Variants in SAMD3 observed in about 807,000 individuals in gnomAD.
SAMD3 encodes the protein sterile alpha motif domain containing 3.
In SAMD3, 63 loss-of-function variants were observed where a neutral mutation model predicts 58.5. That is an observed-to-expected ratio of 1.08 (90% confidence interval 0.88 to 1.33). The LOEUF is 1.33. Among genes scored for constraint, SAMD3 ranks in the 40% most tolerant of loss-of-function variants. The pLI is 0.00. For missense variants in SAMD3, 604 were observed against 608.4 expected (o/e 0.99, Z 0.08); for synonymous variants, 220 against 210.3 (o/e 1.05, Z -0.40).
chr6:130,342,933 G>A (rs918119182), intron 1 of SAMD3, among the ~76,000 whole-genome samples: 11 of 152,118 alleles, frequency 7.2e-5, no homozygotes, highest in Non-Finnish European at 1.6e-4. Context: ...CCATGGTGGG[G>A]CCTTGATTCA....
At chr6:130,195,068 T>G (rs1330410313) in intron 5 of SAMD3, among the ~76,000 whole-genome samples, 1 of 152,170 alleles carries the variant, frequency 6.6e-6, no homozygotes, top group Non-Finnish European at 1.5e-5. Flanking sequence ...CACCCCTTTT[T>G]AATTATCCCC....
chr6:130,305,429 C>G (rs1775883413), intron 2 of SAMD3, among the ~76,000 whole-genome samples: 1 of 151,846 alleles, frequency 6.6e-6, no homozygotes, highest in African/African-American at 2.4e-5. Flanking sequence ...ATCTTACTAC[C>G]CTGTCTATAA....
At position 130,334,053 on chromosome 6, in the gene SAMD3, G is replaced by A. The variant is rs545874871; in HGVS notation, c.-303-20960C>T. ...TCCTCCTCCCTCTGTTGACCTCAAA[G>A]GCACTGCTTTCTCCTTCCTCATCCC... On this transcript the variant is annotated intron_variant, in intron 1 of 13. Transcript: ENST00000368134. Among the ~76,000 whole-genome samples, 3 of 152,234 alleles carry A rather than the reference G, an allele frequency of 2.0e-5. No individual in the cohort carries two copies. In the East Asian group the frequency reaches 5.8e-4, roughly 29 times the overall value.
chr6:130,291,972 A>T (rs1210541768), intron 2 of SAMD3, among the ~76,000 whole-genome samples: 4 of 152,218 alleles, frequency 2.6e-5, no homozygotes, highest in Admixed American at 1.3e-4. Flanking sequence ...ATTAAAAAGG[A>T]ATTAAAAATT....
At position 130,274,616 on chromosome 6, in the gene SAMD3, G is replaced by A. The variant is rs542790196; in HGVS notation, c.-188+38362C>T. ...TGTTGAGCTCTGCTGGCTTGGAGGA[G>A]GGGCTGACACAGGTAAAGTGAAACT... On this transcript the variant is annotated intron_variant, in intron 2 of 13. Transcript: ENST00000368134. Among the ~76,000 whole-genome samples, 6 of 149,178 alleles carry A rather than the reference G, an allele frequency of 4.0e-5. No individual in the cohort carries two copies. The South Asian group carries it at 1.3e-3, about 33-fold the overall frequency.
chr6:130,336,198 C>A, intron 1 of SAMD3, among the ~76,000 whole-genome samples: 1 of 151,940 alleles, frequency 6.6e-6, no homozygotes, highest in Non-Finnish European at 1.5e-5. Context: ...TTTAGTAATA[C>A]AATGTATTAA....
chr6:130,363,121 T>C (rs1200762924), intron 1 of SAMD3, among the ~76,000 whole-genome samples: 1 of 152,190 alleles, frequency 6.6e-6, no homozygotes, highest in East Asian at 1.9e-4. Flanking sequence ...AGACTATCAA[T>C]CTATTTCACA....
At chr6:130,308,360 A>ATTCT (rs1775985845) in intron 2 of SAMD3, among the ~76,000 whole-genome samples, 6 of 27,396 alleles carry the variant, frequency 2.2e-4, no homozygotes, top group African/African-American at 5.6e-4. Flanking sequence ...ATTCTATTCT[A>ATTCT]TTCTATTCTA....
intron 2 of SAMD3, among the ~76,000 whole-genome samples, chr6:130,305,606 C>A (rs1775888399): frequency 6.6e-6 from 1 of 152,046 alleles, no homozygotes; most frequent in Non-Finnish European, 1.5e-5. Flanking sequence ...GAATTTTAGT[C>A]ATGAATGGAT....
downstream of SAMD3, chr6:130,144,240 C>G (rs1788412623): frequency 2.5e-6 from 1 of 401,548 alleles, no homozygotes; most frequent in African/African-American, 2.1e-5. Context: ...CAGTGTATTT[C>G]AAAAAAACTG....
At chr6:130,163,418 T>C (rs928938528) in intron 8 of SAMD3, among the ~76,000 whole-genome samples, 4 of 152,180 alleles carry the variant, frequency 2.6e-5, no homozygotes, top group African/African-American at 9.7e-5. Context: ...AGTGTTGACT[T>C]GGAAATGATG....
upstream of SAMD3, among the ~76,000 whole-genome samples, chr6:130,225,488 A>T (rs991287035): frequency 6.6e-6 from 1 of 152,220 alleles, no homozygotes; most frequent in African/African-American, 2.4e-5. Context: ...TTTAAGAAAA[A>T]CTGTCTATGG....
intron 2 of SAMD3, among the ~76,000 whole-genome samples, chr6:130,238,377 TA>T (rs1480643894): frequency 6.6e-6 from 1 of 152,144 alleles, no homozygotes; most frequent in Non-Finnish European, 1.5e-5. Context: ...AAGTAGCATA[TA>T]AAGATATTTG....
At chr6:130,354,885 C>T (rs1583149030) in intron 1 of SAMD3, among the ~76,000 whole-genome samples, 2 of 152,274 alleles carry the variant, frequency 1.3e-5, no homozygotes. Context: ...ATAGCAGAGC[C>T]TCCTTTGAGA....
intron 1 of SAMD3, among the ~76,000 whole-genome samples, chr6:130,344,825 C>CAAAAAAAAAAAAAAAAAAAAAA (rs56795907): frequency 2.4e-5 from 1 of 41,110 alleles, no homozygotes; most frequent in Non-Finnish European, 4.2e-5. Context: ...ACAACAACAG[C>CAAAAAAAAAAAAAAAAAAAAAA]AAAAAAAAAA....
At chr6:130,249,190 G>A (rs1773656717) in intron 2 of SAMD3, among the ~76,000 whole-genome samples, 1 of 152,234 alleles carries the variant, frequency 6.6e-6, no homozygotes, top group Admixed American at 6.5e-5. Context: ...TAAACAATTA[G>A]CATGAACTGG....
intron 8 of SAMD3, among the ~76,000 whole-genome samples, chr6:130,158,750 G>A (rs1338322428): frequency 6.6e-6 from 1 of 152,160 alleles, no homozygotes; most frequent in African/African-American, 2.4e-5. Context: ...CACAGAGTGG[G>A]AGCGGGCTCA....
chr6:130,278,457 T>A (rs980301017), intron 2 of SAMD3, among the ~76,000 whole-genome samples: 1 of 152,198 alleles, frequency 6.6e-6, no homozygotes, highest in East Asian at 1.9e-4. Context: ...GGTGAACCCA[T>A]TGGGCAGTTA....
intron 8 of SAMD3, among the ~76,000 whole-genome samples, chr6:130,158,844 ATAC>A (rs1185596522): frequency 6.6e-6 from 1 of 152,196 alleles, no homozygotes; most frequent in African/African-American, 2.4e-5. Flanking sequence ...CCCTATGTAA[ATAC>A]AGGAGAGGCC....
Sources: gnomAD v4.1 joint callset for allele counts (sites outside exome capture counted in the v4.1 genomes callset) on GRCh38, gnomAD v4.1.1 for gene constraint, MANE v1.5 for transcripts, NCBI Gene and HGNC (gene_info 2026-07-23, HGNC 2026-07-21) for gene names.